The following SPOCK1 variants were observed in gnomAD, a reference collection of about 807,000 sequenced individuals.
The protein encoded by SPOCK1 is testican-1.
A neutral mutation model predicts 55.3 loss-of-function variants in SPOCK1; 23 were observed. The observed-to-expected ratio is 0.42, with a 90% CI of 0.30 to 0.59. The LOEUF is 0.59. Ranked by LOEUF, SPOCK1 falls within the 20% of genes least tolerant of loss-of-function variation. The pLI, the probability that SPOCK1 is intolerant of heterozygous loss-of-function variation, is 0.22. For synonymous variants in SPOCK1, 226 were observed against 221.0 expected, an observed-to-expected ratio of 1.02 and a Z score of -0.20; for missense variants, 499 against 552.5, an observed-to-expected ratio of 0.90 and a Z score of 0.97.
At chr5:137,079,536 C>A (rs1043049100) in intron 5 of SPOCK1, among the ~76,000 whole-genome samples, 4 of 113,866 alleles carry the variant, frequency 3.5e-5, no homozygotes, top group Admixed American at 9.1e-5. Context: ...ATCTGATTCC[C>A]CCCCCCCCCG....
chr5:137,233,740 G>GT (rs1756118959), intron 3 of SPOCK1, among the ~76,000 whole-genome samples: 1 of 61,870 alleles, frequency 1.6e-5, no homozygotes. Flanking sequence ...TTTTTTTTTG[G>GT]TTATTGATCT....
intron 2 of SPOCK1, among the ~76,000 whole-genome samples, chr5:137,273,876 A>G (rs1446756279): frequency 6.6e-6 from 1 of 152,258 alleles, no homozygotes; most frequent in Non-Finnish European, 1.5e-5. Flanking sequence ...AGGGGTCCTC[A>G]AACCTGAGAA....
intron 6 of SPOCK1, among the ~76,000 whole-genome samples, chr5:137,057,226 A>G (rs1170777407): frequency 6.6e-6 from 1 of 151,988 alleles, no homozygotes; most frequent in Non-Finnish European, 1.5e-5. Flanking sequence ...AGGGCCTTAG[A>G]GGTGACCTTT....
At chr5:137,025,233 G>C (rs1224295082) in intron 6 of SPOCK1, among the ~76,000 whole-genome samples, 1 of 152,110 alleles carries the variant, frequency 6.6e-6, no homozygotes, top group East Asian at 2.0e-4. Flanking sequence ...TTAAAAAGAA[G>C]GTAGACCTCA....
intron 6 of SPOCK1, among the ~76,000 whole-genome samples, chr5:137,054,682 G>A (rs942511351): frequency 1.3e-5 from 2 of 152,186 alleles, no homozygotes. Context: ...AACCAAGAAG[G>A]AGGTCAGTCT....
intron 2 of SPOCK1, among the ~76,000 whole-genome samples, chr5:137,294,279 C>T (rs72794591): frequency 0.022 from 3,412 of 152,130 alleles, 57 homozygotes; most frequent in Non-Finnish European, 0.034. Flanking sequence ...ATGAGAAAAA[C>T]TACAGCAATT....
chr5:137,045,102 A>G (rs551075099), intron 6 of SPOCK1, among the ~76,000 whole-genome samples: 18 of 150,590 alleles, frequency 1.2e-4, no homozygotes, highest in South Asian at 4.2e-4. Flanking sequence ...CGCAATAAAC[A>G]TACGTGTGCA....
At chr5:136,982,815 A>AAGTG (rs1203484481) in intron 9 of SPOCK1, among the ~76,000 whole-genome samples, 1 of 152,294 alleles carries the variant, frequency 6.6e-6, no homozygotes, top group East Asian at 1.9e-4. Context: ...AGTGATATTT[A>AAGTG]AGTGAGTCTG....
chr5:137,243,151 C>T (rs1258307026), intron 3 of SPOCK1, among the ~76,000 whole-genome samples: 1 of 152,122 alleles, frequency 6.6e-6, no homozygotes, highest in Non-Finnish European at 1.5e-5. Context: ...CTGGGAAGTG[C>T]CTTGTCCCAC....
intron 2 of SPOCK1, among the ~76,000 whole-genome samples, chr5:137,404,538 T>C (rs886694919): frequency 3.3e-5 from 5 of 151,534 alleles, no homozygotes; most frequent in African/African-American, 9.7e-5. Flanking sequence ...GCCTCCCCAG[T>C]AGCTCGGATT....
At chr5:137,186,246 A>G (rs1755066361) in intron 3 of SPOCK1, among the ~76,000 whole-genome samples, 1 of 152,240 alleles carries the variant, frequency 6.6e-6, no homozygotes. Flanking sequence ...ACTGCTGATC[A>G]TTGAGATAAT....
At chr5:137,363,508 G>C (rs141306748) in intron 2 of SPOCK1, among the ~76,000 whole-genome samples, 178 of 152,254 alleles carry the variant, frequency 1.2e-3, no homozygotes, top group African/African-American at 4.1e-3. Context: ...GACAGACCTG[G>C]ACTGGAATCA....
intron 3 of SPOCK1, among the ~76,000 whole-genome samples, chr5:137,227,605 A>G (rs1019534649): frequency 2.6e-5 from 4 of 152,216 alleles, no homozygotes; most frequent in African/African-American, 9.6e-5. Context: ...ACTCTGGTGA[A>G]AAGAACAAAG....
intron 3 of SPOCK1, among the ~76,000 whole-genome samples, chr5:137,146,953 A>C (rs1167484469): frequency 6.6e-6 from 1 of 152,250 alleles, no homozygotes; most frequent in African/African-American, 2.4e-5. Flanking sequence ...ACAAAGAGGC[A>C]GAGGAGAGAA....
chr5:137,200,609 A>G (rs1738693750), intron 3 of SPOCK1, among the ~76,000 whole-genome samples: 1 of 152,204 alleles, frequency 6.6e-6, no homozygotes, highest in African/African-American at 2.4e-5. Flanking sequence ...GAGTAAATGG[A>G]TGAATTTACA....
At chr5:137,200,589 C>T (rs974456048) in intron 3 of SPOCK1, among the ~76,000 whole-genome samples, 3 of 152,184 alleles carry the variant, frequency 2.0e-5, no homozygotes, top group African/African-American at 7.2e-5. Context: ...ACTATTCATT[C>T]AGTGAATGGG....
At chr5:137,173,287 C>G (rs1754789516) in intron 3 of SPOCK1, among the ~76,000 whole-genome samples, 2 of 152,034 alleles carry the variant, frequency 1.3e-5, no homozygotes, top group Admixed American at 6.6e-5. Context: ...TAGAGTTGAC[C>G]TTTTCCAATG....
intron 3 of SPOCK1, among the ~76,000 whole-genome samples, chr5:137,169,440 C>T (rs1401950470): frequency 1.3e-5 from 2 of 151,900 alleles, no homozygotes; most frequent in Non-Finnish European, 2.9e-5. Flanking sequence ...ATCTCATGTA[C>T]CCAACAAATA....
chr5:137,309,163 G>A (rs532931039), intron 2 of SPOCK1, among the ~76,000 whole-genome samples: 3 of 152,356 alleles, frequency 2.0e-5, no homozygotes, highest in Admixed American at 6.5e-5. Flanking sequence ...TCAGTGTGAA[G>A]TGAAGGATGC....
Sources: gnomAD v4.1 joint callset for allele counts (sites outside exome capture counted in the v4.1 genomes callset) on GRCh38, gnomAD v4.1.1 for gene constraint, MANE v1.5 for transcripts, NCBI Gene and HGNC (gene_info 2026-07-23, HGNC 2026-07-21) for gene names.